The following CACNA1I variants were observed in gnomAD, a reference collection of about 807,000 sequenced individuals.
The protein encoded by CACNA1I is calcium voltage-gated channel subunit alpha1 I, also known as voltage-dependent T-type calcium channel subunit alpha-1I.
In CACNA1I, 74 loss-of-function variants were observed where a neutral mutation model predicts 201.6. The ratio of observed to expected loss-of-function variants is 0.37; its 90% CI spans 0.30 to 0.45. CACNA1I has a LOEUF of 0.45. CACNA1I is among the 20% of genes least tolerant of loss of function. The pLI, the probability that CACNA1I is intolerant of heterozygous loss-of-function variation, is 1.00. For missense variants in CACNA1I, 2,346 were observed against 3,138.1 expected, an observed-to-expected ratio of 0.75 and a Z score of 6.03; for synonymous variants, 1,431 against 1,345.2, an observed-to-expected ratio of 1.06 and a Z score of -1.40.
chr22:39,674,267 C>T (rs1281753733), intron 29 of CACNA1I, among the ~76,000 whole-genome samples: 10 of 152,174 alleles, frequency 6.6e-5, no homozygotes, highest in Admixed American at 3.3e-4. Flanking sequence ...GCCCTGTGCA[C>T]GCACTGAGGG....
chr22:39,681,748 C>A (rs1935713873), intron 34 of CACNA1I, among the ~76,000 whole-genome samples: 1 of 151,988 alleles, frequency 6.6e-6, no homozygotes, highest in Non-Finnish European at 1.5e-5. Context: ...TAAGGGACAG[C>A]TGGGGGATAC....
Position 39,648,529 on chromosome 22 carries a change from G to A in CACNA1I, c.1567+603G>A, listed in dbSNP as rs1934558286. ...GAAGGGCTTTGGGCCTGTCCTCCGG[G>A]GTGAGATGGGACTGACCCCTGGGTT... On this transcript the variant is annotated intron_variant, in intron 9 of 36. Coordinates refer to ENST00000402142, the MANE Select transcript of CACNA1I (RefSeq NM_021096.4). The surrounding 1 kb of genome is among the most constrained non-coding windows in gnomAD (Gnocchi z 5.4). 1.3e-5 allele frequency among the ~76,000 whole-genome samples: 2 copies of A among 152,136 alleles called. No individual in the cohort carries two copies. Among genetic ancestry groups the A allele is most frequent in the African/African-American group, 4.8e-5 (2 of 41,438 alleles).
Position 39,619,185 on chromosome 22 carries a change from C to A in CACNA1I, c.483-125C>A, listed in dbSNP as rs1021593342. ...TGTTGGCCAGGTGTAGCTGGAGATC[C>A]GACTGCTGTCTTTACTTGCCCTGTC... On this transcript the variant is annotated intron_variant, in intron 3 of 36. Transcript: ENST00000402142. The A allele has an allele frequency of 4.1e-6, 3 of 723,736 alleles. No homozygotes were observed. In the Admixed American group the frequency reaches 6.2e-5, roughly 15 times the overall value. The allele number at this position is 723,736 out of a possible 1,614,324, so 44.8% of individuals were successfully genotyped here. A position where few individuals can be genotyped will look rare whatever the true frequency, so the allele number is the denominator to read the frequency against.
At chr22:39,644,684 C>CTTT (rs879636992) in intron 7 of CACNA1I, among the ~76,000 whole-genome samples, 2 of 144,662 alleles carry the variant, frequency 1.4e-5, no homozygotes, top group African/African-American at 5.1e-5. Flanking sequence ...AATTTTCTTT[C>CTTT]TTTTTTTTTT....
rs1407945975 is a variant in CACNA1I, at chr22:39,677,091, GC to G, written c.4855-249del. Among the ~76,000 whole-genome samples, 1 of 152,244 alleles carries G rather than the reference GC, an allele frequency of 6.6e-6. No individual in the cohort carries two copies. Among genetic ancestry groups the G allele is most frequent in the African/African-American group, 2.4e-5 (1 of 41,464 alleles). On this transcript the variant is annotated intron_variant, in intron 29 of 36. Transcript: ENST00000402142. This position sits in a 1 kb window ranked among gnomAD's most constrained non-coding sequence, Gnocchi z 4.8. ...GGAAGTGAGCTCATGAACCTTAAGT[GC>G]TGGAAATGGGACAGCTTGTGGTAAA...
intron 8 of CACNA1I, among the ~76,000 whole-genome samples, chr22:39,647,466 C>T (rs1934525530): frequency 6.6e-6 from 1 of 152,212 alleles, no homozygotes; most frequent in Non-Finnish European, 1.5e-5. Flanking sequence ...CCAGGGAGTA[C>T]AGTGACACAA....
chr22:39,683,888 T>G (rs1018654750), intron 35 of CACNA1I, among the ~76,000 whole-genome samples: 1 of 152,172 alleles, frequency 6.6e-6, no homozygotes, highest in African/African-American at 2.4e-5. Context: ...GGCCCCATGG[T>G]GGGGTCAGGA....
rs141317628 is a variant in CACNA1I at position 39,667,113 on chromosome 22, C to T, written c.4104+1107C>T. 1.0e-3 allele frequency among the ~76,000 whole-genome samples: 156 copies of T among 152,328 alleles called. 1 individual carries two copies. The highest frequency in any genetic ancestry group is 3.0e-3 in the African/African-American group (124 of 41,572). On this transcript the variant is annotated intron_variant, in intron 23 of 36. Coordinates refer to ENST00000402142, the MANE Select transcript of CACNA1I (RefSeq NM_021096.4). Reference sequence around the variant, plus strand: ...TGACTCCTCAGTGGCCCTTACCAGCCGTGTGCCCTCAGACACGTGCCAGAC... The same window carrying T: ...TGACTCCTCAGTGGCCCTTACCAGCTGTGTGCCCTCAGACACGTGCCAGAC...
At chr22:39,589,229 C>G (rs1284271537) in intron 1 of CACNA1I, among the ~76,000 whole-genome samples, 1 of 152,132 alleles carries the variant, frequency 6.6e-6, no homozygotes, top group Non-Finnish European at 1.5e-5. Context: ...CTAGGTTGTC[C>G]CAGGTTGGGG....
At position 39,663,782 on chromosome 22, in the gene CACNA1I, A is replaced by T; in HGVS notation, c.3538A>T (p.Ile1180Phe). 1 of 1,613,480 alleles carries T rather than the reference A, an allele frequency of 6.2e-7. No individual in the cohort carries two copies. Among genetic ancestry groups the T allele is most frequent in the Non-Finnish European group, 8.5e-7 (1 of 1,179,708 alleles). ...CTTCGACTACGTCGTCCTGGCCTTC[A>T]TCTTTCTCAACTGCATCACCATCGC... The part of the protein sequence containing the change: ...KLFDYVVLAF[I>F]FLNCITIALE... The change falls in exon 19 of 37, where the codon ATC (isoleucine) becomes TTC (phenylalanine). Residue 1180 changes from isoleucine (I) to phenylalanine (F), a missense_variant. Coordinates refer to ENST00000402142, the MANE Select transcript of CACNA1I (RefSeq NM_021096.4).
chr22:39,581,494 T>C (rs1019508741), intron 1 of CACNA1I, among the ~76,000 whole-genome samples: 1 of 152,134 alleles, frequency 6.6e-6, no homozygotes, highest in Non-Finnish European at 1.5e-5. Context: ...AGTCACCCGT[T>C]TGACAGAGAG....
At chr22:39,660,299 G>A in intron 14 of CACNA1I, 45 bp from the exon 15 acceptor site, 3 of 1,441,254 alleles carry the variant, frequency 2.1e-6, no homozygotes, top group South Asian at 1.2e-5. Flanking sequence ...TGGGAAGGGA[G>A]GAGCTGGACT....
Position 39,649,435 on chromosome 22 carries a change from T to G in CACNA1I, c.1568-66T>G. On this transcript the variant is annotated intron_variant, in intron 9 of 36. Transcript: ENST00000402142. The surrounding 1 kb of genome is among the most constrained non-coding windows in gnomAD (Gnocchi z 7.3). ...CCTGGGAGCCAAGCGCACTCAGGGA[T>G]GTGTCCCAGGGTGGATTGGGCCTGG... is the stretch of plus-strand genomic sequence containing the variant. The G allele has an allele frequency of 1.4e-6, 2 of 1,417,654 alleles. No individual in the cohort carries two copies. The highest frequency in any genetic ancestry group is 2.1e-4 in the Middle Eastern group (1 of 4,770). The allele number at this position is 1,417,654 out of a possible 1,614,324, so 87.8% of individuals were successfully genotyped here.
rs1192061450 is a variant in CACNA1I at position 39,634,708 on chromosome 22, G to A, written c.724G>A (p.Glu242Lys). 1 of 1,613,624 alleles carries A rather than the reference G, an allele frequency of 6.2e-7. No individual in the cohort carries two copies. The highest frequency in any genetic ancestry group is 8.5e-7 in the Non-Finnish European group (1 of 1,179,722). ...AGLLRNRCFL[E>K]ENFTIQGDVA... ...CCTGCTGCGTAACCGCTGCTTCCTG[G>A]AGGAGAACTTCACCATGTGAGTTCA... The change falls in exon 5 of 37, where the codon GAG (glutamate) becomes AAG (lysine). Residue 242 changes from glutamate (E) to lysine (K), a missense_variant. Around this residue, in one of 13 missense-constraint regions of CACNA1I, gnomAD observed 227 missense variants for 412.5 expected, o/e 0.55. Coordinates refer to ENST00000402142, the MANE Select transcript of CACNA1I (RefSeq NM_021096.4).
chr22:39,583,774 C>G (rs965839542), intron 1 of CACNA1I, among the ~76,000 whole-genome samples: 1 of 152,258 alleles, frequency 6.6e-6, no homozygotes, highest in African/African-American at 2.4e-5. Context: ...GAACCACTCA[C>G]AAGGCCTTTT....
chr22:39,571,943 C>T (rs1040087518), intron 1 of CACNA1I, among the ~76,000 whole-genome samples: 2 of 152,212 alleles, frequency 1.3e-5, no homozygotes, highest in African/African-American at 2.4e-5. Context: ...CCAGAGCTGA[C>T]TCCTCAATAA....
At chr22:39,583,963 T>C (rs749507541) in intron 1 of CACNA1I, among the ~76,000 whole-genome samples, 31 of 152,230 alleles carry the variant, frequency 2.0e-4, no homozygotes, top group Admixed American at 6.5e-4. Flanking sequence ...GTAGAGGTTG[T>C]ATGGCCTGAG....
At chr22:39,572,636 G>A (rs1932222967) in intron 1 of CACNA1I, among the ~76,000 whole-genome samples, 2 of 152,124 alleles carry the variant, frequency 1.3e-5, no homozygotes, top group Admixed American at 1.3e-4. Flanking sequence ...GAGAGGGTCT[G>A]CTCGGTAATT....
chr22:39,601,970 A>T (rs565243523), intron 3 of CACNA1I, among the ~76,000 whole-genome samples: 9 of 10,846 alleles, frequency 8.3e-4, no homozygotes, highest in East Asian at 2.0e-3. Flanking sequence ...TCTTTCTTTC[A>T]CCCTCCCTCC....
Sources: allele counts gnomAD v4.1 joint callset (sites outside exome capture counted in the v4.1 genomes callset), GRCh38; gene constraint gnomAD v4.1.1; regional missense constraint gnomAD v4.1.1; non-coding constraint Gnocchi (gnomAD v3.1); transcripts MANE v1.5; gene names NCBI Gene and HGNC (gene_info 2026-07-23, HGNC 2026-07-21).